Variants in EIF3L observed in about 807,000 individuals in gnomAD.
EIF3L encodes the protein eukaryotic translation initiation factor 3 subunit L.
In EIF3L, 32 loss-of-function variants were observed where a neutral mutation model predicts 74.6. That is an observed-to-expected ratio of 0.43 (90% CI 0.32 to 0.58). The LOEUF is 0.58. Among genes scored for constraint, EIF3L ranks in the 20% least tolerant of loss-of-function variants. The probability of loss-of-function intolerance (pLI) is 0.06; values close to 1 mark genes in which losing one functional copy is unlikely to be tolerated. For synonymous variants in EIF3L, 256 were observed against 254.4 expected, an observed-to-expected ratio of 1.01 and a Z score of -0.06; for missense variants, 474 against 707.8, an observed-to-expected ratio of 0.67 and a Z score of 3.75.
chr22:37,876,162 A>G (rs1926738085), intron 10 of EIF3L, 151 bp downstream of exon 10: 2 of 762,570 alleles, frequency 2.6e-6, no homozygotes. Flanking sequence ...TGTGCCTACT[A>G]ATAGATCACC....
intron 8 of EIF3L, among the ~76,000 whole-genome samples, chr22:37,874,048 T>C (rs1377134281): frequency 6.6e-6 from 1 of 152,114 alleles, no homozygotes; most frequent in Non-Finnish European, 1.5e-5. Context: ...ATTAGGAAAA[T>C]AGCTTTGACC....
chr22:37,876,182 T>G, intron 10 of EIF3L, 171 bp downstream of exon 10: 1 of 654,350 alleles, frequency 1.5e-6, no homozygotes, highest in East Asian at 2.9e-5. Context: ...CCAGCTGGAG[T>G]GCAGTGACGC....
chr22:37,874,275 C>T, intron 8 of EIF3L, 95 bp from the exon 9 acceptor site: 1 of 1,321,250 alleles, frequency 7.6e-7, no homozygotes, highest in East Asian at 2.5e-5. Context: ...TCAAGGCTGG[C>T]AGTAGGTGAG....
chr22:37,864,823 G>C lies in EIF3L; in HGVS notation c.579+1478G>C, dbSNP rs1422075117. ...CAAAGTGCTGGGATTACAGGTGTGA[G>C]CCACCGCGCCTGGCCTACTGGCCCA... On this transcript the variant is annotated intron_variant, in intron 7 of 12. Coordinates refer to ENST00000652021, the MANE Select transcript of EIF3L (RefSeq NM_016091.4). Among the ~76,000 whole-genome samples, 4 of 152,278 alleles carry C rather than the reference G, an allele frequency of 2.6e-5. No individual in the cohort carries two copies. In the East Asian group the frequency reaches 7.7e-4, roughly 29 times the overall value.
intron 2 of EIF3L, chr22:37,850,437 AG>A: frequency 4.4e-6 from 1 of 229,066 alleles, no homozygotes; most frequent in Non-Finnish European, 9.0e-6. Context: ...TCGTTCAAGC[AG>A]TAGTTCTCTT....
intron 7 of EIF3L, among the ~76,000 whole-genome samples, chr22:37,866,464 T>A (rs1329485849): frequency 6.6e-6 from 1 of 152,230 alleles, no homozygotes; most frequent in Non-Finnish European, 1.5e-5. Flanking sequence ...TAAGTTTTTT[T>A]AAATCAGCTT....
intron 8 of EIF3L, among the ~76,000 whole-genome samples, chr22:37,873,980 G>A (rs1001458839): frequency 2.6e-5 from 4 of 152,270 alleles, no homozygotes; most frequent in Admixed American, 2.0e-4. Flanking sequence ...CCAACATAGT[G>A]TTTGCATCAT....
At chr22:37,858,218 CCTTTT>C (rs905538678) in intron 4 of EIF3L, among the ~76,000 whole-genome samples, 1 of 97,044 alleles carries the variant, frequency 1.0e-5, no homozygotes, top group Non-Finnish European at 2.1e-5. Context: ...TTTCTTTCTT[CCTTTT>C]TTTTTTTTTT....
intron 7 of EIF3L, among the ~76,000 whole-genome samples, chr22:37,865,590 C>G (rs1043398848): frequency 2.6e-4 from 40 of 152,228 alleles, no homozygotes; most frequent in African/African-American, 9.4e-4. Flanking sequence ...GTTATTAGAA[C>G]TCCGTGAACC....
chr22:37,865,861 T>A (rs1362308214), intron 7 of EIF3L, among the ~76,000 whole-genome samples: 1 of 152,216 alleles, frequency 6.6e-6, no homozygotes, highest in Admixed American at 6.6e-5. Context: ...TGATTTTCTT[T>A]ATCCCTCTTA....
intron 7 of EIF3L, among the ~76,000 whole-genome samples, chr22:37,867,771 G>A (rs1406399671): frequency 1.3e-5 from 2 of 151,452 alleles, no homozygotes; most frequent in Admixed American, 6.6e-5. Flanking sequence ...TGGCTAACAC[G>A]GTGAAACCCC....
Position 37,888,693 on chromosome 22 carries a change from T to A in EIF3L, c.*229T>A, listed in dbSNP as rs1380297483. 2 of 563,240 alleles carry A rather than the reference T, an allele frequency of 3.6e-6. No individual in the cohort carries two copies. Among genetic ancestry groups the A allele is most frequent in the Non-Finnish European group, 3.2e-6 (1 of 316,330 alleles). 34.9% of individuals were successfully genotyped at this position (563,240 alleles called of 1,614,324 possible). ...TTGTGGCAGTAATACATTTCCCATG[T>A]GTCCTGATGCTTTCAGGATACATCA... On this transcript the variant is annotated 3_prime_UTR_variant, in exon 13 of 13. Transcript: ENST00000652021.
At chr22:37,865,301 T>TA (rs547553194) in intron 7 of EIF3L, among the ~76,000 whole-genome samples, 61 of 144,278 alleles carry the variant, frequency 4.2e-4, no homozygotes, top group South Asian at 2.2e-3. Context: ...CCATCTCTAC[T>TA]AAAAAAAAAA....
intron 8 of EIF3L, among the ~76,000 whole-genome samples, chr22:37,872,915 G>A (rs139838): frequency 0.29 from 43,925 of 152,016 alleles, 7,787 homozygotes; most frequent in Non-Finnish European, 0.38. Context: ...AGCAAACACT[G>A]TCAGTTATTT....
intron 11 of EIF3L, chr22:37,878,653 G>T (rs2145837062): frequency 6.4e-6 from 1 of 155,592 alleles, no homozygotes; most frequent in Non-Finnish European, 1.4e-5. Context: ...CGTAGAAATG[G>T]GGTTTCTCCA....
At chr22:37,879,721 G>A (rs1180850731) in intron 11 of EIF3L, 1 of 152,008 alleles carries the variant, frequency 6.6e-6, no homozygotes, top group Non-Finnish European at 1.5e-5. Flanking sequence ...TTGTCCTGCT[G>A]CCTTCTTTAT....
At chr22:37,866,108 C>A (rs1188381616) in intron 7 of EIF3L, among the ~76,000 whole-genome samples, 1 of 152,142 alleles carries the variant, frequency 6.6e-6, no homozygotes, top group Admixed American at 6.6e-5. Flanking sequence ...GCAGAGGTAT[C>A]AATTACTGTC....
chr22:37,851,586 T>TGG, intron 3 of EIF3L, 96 bp downstream of exon 3: 1 of 208,920 alleles, frequency 4.8e-6, no homozygotes, highest in Non-Finnish European at 1.0e-5. Context: ...AACAGTACTT[T>TGG]CGGGGGGGTT....
chr22:37,878,675 C>T (rs1339586005), intron 11 of EIF3L: 1 of 154,508 alleles, frequency 6.5e-6, no homozygotes, highest in African/African-American at 2.4e-5. Flanking sequence ...GTTGGTCAGT[C>T]TGGTGTCAAA....
Sources: gnomAD v4.1 joint callset for allele counts (sites outside exome capture counted in the v4.1 genomes callset) on GRCh38, gnomAD v4.1.1 for gene constraint, MANE v1.5 for transcripts, NCBI Gene and HGNC (gene_info 2026-07-23, HGNC 2026-07-21) for gene names.